The following AGBL4 variants were observed in gnomAD, a reference collection of about 807,000 sequenced individuals.
AGBL4 encodes cytosolic carboxypeptidase 6.
A neutral mutation model predicts 66.4 loss-of-function variants in AGBL4; 58 were observed. The ratio of observed to expected loss-of-function variants is 0.87; its 90% CI spans 0.71 to 1.09. The LOEUF (loss-of-function observed/expected upper bound fraction) is 1.09. Ranked by LOEUF, AGBL4 falls within the 50% of genes least tolerant of loss-of-function variation. AGBL4 has a pLI of 0.00. For synonymous variants in AGBL4, 234 were observed against 222.9 expected (o/e 1.05, Z -0.44); for missense variants, 579 against 631.0 (o/e 0.92, Z 0.88).
intron 6 of AGBL4, among the ~76,000 whole-genome samples, chr1:48,717,046 G>C (rs188501020): frequency 6.6e-6 from 1 of 152,332 alleles, no homozygotes; most frequent in Admixed American, 6.5e-5. Context: ...TTCAGGCCAC[G>C]TCTGTATTTC....
chr1:49,384,017 G>C (rs1414136483), intron 3 of AGBL4, among the ~76,000 whole-genome samples: 1 of 151,756 alleles, frequency 6.6e-6, no homozygotes, highest in Non-Finnish European at 1.5e-5. Context: ...GGATGGTCTT[G>C]ATTTCCTGAC....
chr1:49,459,588 C>T (rs1557960549), intron 3 of AGBL4, among the ~76,000 whole-genome samples: 1 of 151,462 alleles, frequency 6.6e-6, no homozygotes, highest in Non-Finnish European at 1.5e-5. Context: ...CTACCAATTT[C>T]ATCATCTTTT....
At chr1:49,976,989 C>T (rs1362270424) in intron 1 of AGBL4, among the ~76,000 whole-genome samples, 1 of 152,226 alleles carries the variant, frequency 6.6e-6, no homozygotes, top group Non-Finnish European at 1.5e-5. Flanking sequence ...TACACACATA[C>T]TTCCCTTTGC....
chr1:48,683,399 T>C (rs1328890820), intron 6 of AGBL4, among the ~76,000 whole-genome samples: 1 of 152,228 alleles, frequency 6.6e-6, no homozygotes, highest in Non-Finnish European at 1.5e-5. Context: ...CTTCCTCAGC[T>C]TTCAACTGGA....
At chr1:49,948,729 G>A (rs1655794664) in intron 1 of AGBL4, among the ~76,000 whole-genome samples, 1 of 150,544 alleles carries the variant, frequency 6.6e-6, no homozygotes, top group Non-Finnish European at 1.5e-5. Context: ...GTTCATGGAT[G>A]GGTAGAATAA....
intron 9 of AGBL4, among the ~76,000 whole-genome samples, chr1:48,602,151 A>G (rs1645082657): frequency 6.6e-6 from 1 of 152,146 alleles, no homozygotes; most frequent in South Asian, 2.1e-4. Flanking sequence ...TAGCTGGCTC[A>G]TAGAGGTAAT....
intron 4 of AGBL4, among the ~76,000 whole-genome samples, chr1:49,076,038 A>C (rs915118997): frequency 6.6e-6 from 1 of 152,202 alleles, no homozygotes; most frequent in Non-Finnish European, 1.5e-5. Context: ...AGAGTTGCAA[A>C]GTTTTCTGCT....
At chr1:49,225,680 G>A (rs2148286519) in intron 4 of AGBL4, among the ~76,000 whole-genome samples, 1 of 152,306 alleles carries the variant, frequency 6.6e-6, no homozygotes, top group East Asian at 1.9e-4. Flanking sequence ...ATTTTCAGTA[G>A]GCAAACTCTG....
chr1:50,010,576 A>C (rs1271114954), intron 1 of AGBL4, among the ~76,000 whole-genome samples: 1 of 152,108 alleles, frequency 6.6e-6, no homozygotes, highest in African/African-American at 2.4e-5. Context: ...TATATGATAG[A>C]GCTATAGTAA....
chr1:48,924,697 A>G (rs548529804), intron 5 of AGBL4, among the ~76,000 whole-genome samples: 29 of 152,178 alleles, frequency 1.9e-4, no homozygotes, highest in Non-Finnish European at 3.8e-4. Context: ...ATCCAACTGT[A>G]GTATAATTCT....
intron 5 of AGBL4, among the ~76,000 whole-genome samples, chr1:49,034,514 T>C (rs1159093808): frequency 6.6e-6 from 1 of 152,106 alleles, no homozygotes; most frequent in Non-Finnish European, 1.5e-5. Context: ...AAATTAATAC[T>C]TTAAAAGTAT....
chr1:49,968,796 C>T lies in AGBL4; in HGVS notation c.34+54967G>A, dbSNP rs569996676. ...TGGCTAGAGCTCCAAAAGCCATCTT[C>T]GATGGCATGAAGGCCAGCATAGCAG... On this transcript the variant is annotated intron_variant, in intron 1 of 13. Transcript: ENST00000371839. 3.9e-5 allele frequency among the ~76,000 whole-genome samples: 6 copies of T among 152,206 alleles called. No individual in the cohort carries two copies. The South Asian group carries it at 8.3e-4, about 21-fold the overall frequency.
intron 6 of AGBL4, chr1:48,758,981 C>T (rs1644104829): frequency 1.9e-6 from 3 of 1,613,332 alleles, no homozygotes; most frequent in Non-Finnish European, 2.5e-6. Context: ...ACAAGTGCCC[C>T]GTACTCCTTG....
At chr1:48,908,244 A>AG (rs777628205) in intron 5 of AGBL4, among the ~76,000 whole-genome samples, 2 of 152,178 alleles carry the variant, frequency 1.3e-5, no homozygotes, top group Non-Finnish European at 2.9e-5. Flanking sequence ...CACTTCACAA[A>AG]GGGTCAACTC....
At chr1:49,109,167 T>C (rs1253071503) in intron 4 of AGBL4, among the ~76,000 whole-genome samples, 1 of 152,176 alleles carries the variant, frequency 6.6e-6, no homozygotes, top group Non-Finnish European at 1.5e-5. Flanking sequence ...TAGGAATTCA[T>C]CTTCTCTCCT....
chr1:48,602,186 C>T (rs192885754), intron 9 of AGBL4, among the ~76,000 whole-genome samples: 2 of 152,070 alleles, frequency 1.3e-5, no homozygotes, highest in Admixed American at 1.3e-4. Context: ...CACTCAGCTG[C>T]AGGGACAGGA....
Position 48,777,042 on chromosome 1 carries a change from G to T in AGBL4, c.634+90149C>A, listed in dbSNP as rs1251106552. ...GCCTGGGCGCGGAAAAGGGAGGGAG[G>T]GGGGGAAAGGGGGACGAGGGGCGGA... On this transcript the variant is annotated intron_variant, in intron 6 of 13. Coordinates refer to ENST00000371839, the MANE Select transcript of AGBL4 (RefSeq NM_032785.4). 6.7e-5 allele frequency: 23 copies of T among 345,046 alleles called. 1 individual carries two copies. In the South Asian group the frequency reaches 1.3e-3, roughly 20 times the overall value. 21.4% of individuals were successfully genotyped at this position (345,046 alleles called of 1,614,324 possible). A position where few individuals can be genotyped will look rare whatever the true frequency, so the allele number is the denominator to read the frequency against.
At chr1:48,734,304 G>C (rs922061316) in intron 6 of AGBL4, among the ~76,000 whole-genome samples, 3 of 152,128 alleles carry the variant, frequency 2.0e-5, no homozygotes, top group Admixed American at 2.0e-4. Flanking sequence ...TTTGACCTCA[G>C]GCTGGTTGCT....
chr1:49,948,496 AAT>A (rs1247744272), intron 1 of AGBL4, among the ~76,000 whole-genome samples: 23 of 110,940 alleles, frequency 2.1e-4, no homozygotes, highest in African/African-American at 4.3e-4. Context: ...AATATATAAA[AAT>A]ATATATAAAT....
Sources: gnomAD v4.1 joint callset for allele counts (sites outside exome capture counted in the v4.1 genomes callset) on GRCh38, gnomAD v4.1.1 for gene constraint, MANE v1.5 for transcripts, NCBI Gene and HGNC (gene_info 2026-07-23, HGNC 2026-07-21) for gene names.